Variants in ALK observed in about 807,000 individuals in gnomAD.
ALK encodes the protein ALK tyrosine kinase receptor.
A neutral mutation model predicts 163.1 loss-of-function variants in ALK; 74 were observed. That is an observed-to-expected ratio of 0.45 (90% CI 0.38 to 0.55). The LOEUF is 0.55. Among genes scored for constraint, ALK ranks in the 20% least tolerant of loss-of-function variants. The pLI, the probability that ALK is intolerant of heterozygous loss-of-function variation, is 0.00. For missense variants in ALK, 2,063 were observed against 2,105.3 expected (o/e 0.98, Z 0.39); for synonymous variants, 960 against 843.2 (o/e 1.14, Z -2.40).
intron 4 of ALK, among the ~76,000 whole-genome samples, chr2:29,431,120 A>G (rs541695804): frequency 3.7e-4 from 57 of 152,198 alleles, no homozygotes; most frequent in Non-Finnish European, 7.5e-4. Context: ...GCTAAGAGCT[A>G]CAAAGGACAA....
At position 29,232,401 on chromosome 2, in the gene ALK, A is replaced by G. The variant is rs2256740; in HGVS notation, c.2535T>C (p.Gly845=). 1,078,444 of 1,614,012 alleles carry G rather than the reference A, an allele frequency of 0.67. 370,500 individuals carry two copies. The highest frequency in any genetic ancestry group is 0.77 in the Middle Eastern group (4,683 of 6,062). ...CTGTCTTGGCCCCGTAGGCCCTGCC[A>G]CCACCTCCGGCTGCAATGATCAGGG... ...PVPLIIAAGG[G]GRAYGAKTDT... is the part of the protein sequence containing the mutation. Residue 845 remains glycine (G), a synonymous_variant, in exon 15 of 29, where the codon GGT becomes GGC. Transcript: ENST00000389048.
intron 11 of ALK, among the ~76,000 whole-genome samples, chr2:29,270,996 A>G (rs567547600): frequency 6.6e-6 from 1 of 152,240 alleles, no homozygotes; most frequent in African/African-American, 2.4e-5. Flanking sequence ...AGAGGCCAGG[A>G]TTTTTCGGAA....
At chr2:29,304,917 G>A (rs752094758) in intron 8 of ALK, among the ~76,000 whole-genome samples, 1 of 152,162 alleles carries the variant, frequency 6.6e-6, no homozygotes, top group Non-Finnish European at 1.5e-5. Context: ...TTCAACCTGG[G>A]GTGCAAATTA....
At chr2:29,655,671 A>G (rs1293188113) in intron 3 of ALK, among the ~76,000 whole-genome samples, 4 of 152,212 alleles carry the variant, frequency 2.6e-5, no homozygotes, top group Non-Finnish European at 5.9e-5. Context: ...GTAAGGTCTC[A>G]GCTCATTTCA....
At chr2:29,900,802 G>A (rs913340968) in intron 1 of ALK, among the ~76,000 whole-genome samples, 3 of 152,174 alleles carry the variant, frequency 2.0e-5, no homozygotes, top group Non-Finnish European at 4.4e-5. Context: ...CATGTAAGAA[G>A]AAAGGAGCAC....
At chr2:29,834,796 C>G (rs1026298494) in intron 1 of ALK, among the ~76,000 whole-genome samples, 28 of 152,206 alleles carry the variant, frequency 1.8e-4, no homozygotes, top group African/African-American at 6.3e-4. Flanking sequence ...CCACATTAGT[C>G]ACACCAAAAC....
chr2:29,630,253 C>T (rs570047247), intron 3 of ALK, among the ~76,000 whole-genome samples: 13 of 151,996 alleles, frequency 8.6e-5, no homozygotes, highest in African/African-American at 1.9e-4. Flanking sequence ...CCAAGCCCAT[C>T]GTGGAGAAAA....
chr2:29,732,941 C>T (rs1679786434), intron 1 of ALK, among the ~76,000 whole-genome samples: 1 of 151,480 alleles, frequency 6.6e-6, no homozygotes, highest in Non-Finnish European at 1.5e-5. Context: ...CTAAGGGAGA[C>T]CCCAAAGATA....
At chr2:29,866,537 G>A (rs1490481698) in intron 1 of ALK, among the ~76,000 whole-genome samples, 2 of 152,128 alleles carry the variant, frequency 1.3e-5, no homozygotes, top group South Asian at 2.1e-4. Context: ...GAATGGAAGA[G>A]TTTTTTAATT....
chr2:29,521,128 C>T (rs1672800615), intron 4 of ALK, among the ~76,000 whole-genome samples: 1 of 152,158 alleles, frequency 6.6e-6, no homozygotes, highest in Admixed American at 6.5e-5. Context: ...AGCAGCATGG[C>T]CCACAGGTCT....
At chr2:29,307,862 T>C (rs1415162699) in intron 8 of ALK, among the ~76,000 whole-genome samples, 7 of 152,214 alleles carry the variant, frequency 4.6e-5, no homozygotes, top group Admixed American at 3.9e-4. Flanking sequence ...TCTTGCAGGA[T>C]ACTTAAAAGA....
intron 18 of ALK, 56 bp from the exon 19 acceptor site, chr2:29,225,621 G>T (rs1663956877): frequency 6.8e-7 from 1 of 1,471,382 alleles, no homozygotes; most frequent in Non-Finnish European, 9.4e-7. Flanking sequence ...CCTTTGAGTT[G>T]GTCCCAAGTC....
At chr2:29,431,611 C>T (rs560188367) in intron 4 of ALK, among the ~76,000 whole-genome samples, 1 of 152,242 alleles carries the variant, frequency 6.6e-6, no homozygotes, top group African/African-American at 2.4e-5. Flanking sequence ...AATATGTATA[C>T]CATTGCCACT....
intron 1 of ALK, among the ~76,000 whole-genome samples, chr2:29,916,235 T>C (rs1202175910): frequency 6.6e-6 from 1 of 152,226 alleles, no homozygotes; most frequent in Non-Finnish European, 1.5e-5. Flanking sequence ...GTTTCCCTGA[T>C]ATCCAACCCG....
At chr2:29,633,125 A>C (rs533507003) in intron 3 of ALK, among the ~76,000 whole-genome samples, 2 of 151,918 alleles carry the variant, frequency 1.3e-5, no homozygotes, top group South Asian at 4.2e-4. Flanking sequence ...TGGAAGCCTG[A>C]GCAGACATCT....
chr2:29,812,981 G>T (rs1334172167), intron 1 of ALK, among the ~76,000 whole-genome samples: 2 of 152,338 alleles, frequency 1.3e-5, no homozygotes, highest in Non-Finnish European at 1.5e-5. Context: ...ACTTGGTCCT[G>T]ATCTGAAGAT....
At chr2:29,610,792 C>T (rs1450052935) in intron 3 of ALK, among the ~76,000 whole-genome samples, 1 of 152,148 alleles carries the variant, frequency 6.6e-6, no homozygotes, top group Non-Finnish European at 1.5e-5. Context: ...GATTCTGCTT[C>T]TCAACAATAA....
At chr2:29,876,678 G>A (rs533271845) in intron 1 of ALK, among the ~76,000 whole-genome samples, 14 of 149,000 alleles carry the variant, frequency 9.4e-5, no homozygotes, top group Admixed American at 2.7e-4. Context: ...TGATGGTAAC[G>A]ATGGTGATAT....
chr2:29,403,163 A>T (rs1485977157), intron 4 of ALK, among the ~76,000 whole-genome samples: 1 of 152,230 alleles, frequency 6.6e-6, no homozygotes, highest in African/African-American at 2.4e-5. Flanking sequence ...GAAGGTGGTA[A>T]GTGCTGAACA....
Sources: allele counts gnomAD v4.1 joint callset (sites outside exome capture counted in the v4.1 genomes callset), GRCh38; gene constraint gnomAD v4.1.1; transcripts MANE v1.5; gene names NCBI Gene and HGNC (gene_info 2026-07-23, HGNC 2026-07-21).